OTOGL: variants seen among roughly 807,000 people sequenced by gnomAD.
OTOGL encodes otogelin-like protein.
OTOGL carries 285 observed loss-of-function variants against 318.5 expected under a neutral mutation model. The observed-to-expected ratio is 0.89, with a 90% CI of 0.81 to 0.99. OTOGL has a LOEUF of 0.99. Among genes scored for constraint, OTOGL ranks in the 50% least tolerant of loss-of-function variants. OTOGL has a pLI of 0.00. For synonymous variants in OTOGL, 987 were observed against 936.5 expected, an observed-to-expected ratio of 1.05 and a Z score of -0.99; for missense variants, 2,899 against 2,845.6, an observed-to-expected ratio of 1.02 and a Z score of -0.43.
At chr12:80,123,427 C>CTA (rs1470677346) in intron 1 of OTOGL, among the ~76,000 whole-genome samples, 2 of 152,176 alleles carry the variant, frequency 1.3e-5, no homozygotes, top group African/African-American at 4.8e-5. Context: ...TTAATCCAGT[C>CTA]TATCATTGTT....
chr12:80,270,462 AG>A (rs1332680021), intron 23 of OTOGL, among the ~76,000 whole-genome samples: 2 of 152,142 alleles, frequency 1.3e-5, no homozygotes, highest in Non-Finnish European at 2.9e-5. Flanking sequence ...ATATGTATCT[AG>A]GCAAGTGTTG....
intron 1 of OTOGL, among the ~76,000 whole-genome samples, chr12:80,184,981 T>C (rs1358361562): frequency 6.6e-6 from 1 of 152,196 alleles, no homozygotes; most frequent in Admixed American, 6.5e-5. Flanking sequence ...GGTTCAGAGA[T>C]AGATTTAATT....
chr12:80,133,264 G>T (rs187686671), intron 1 of OTOGL, among the ~76,000 whole-genome samples: 4 of 151,708 alleles, frequency 2.6e-5, no homozygotes, highest in African/African-American at 9.7e-5. Context: ...TGTTTTTTTA[G>T]GCAATGATTA....
intron 7 of OTOGL, 37 bp downstream of exon 7, chr12:80,222,282 T>C (rs374776197): frequency 8.9e-5 from 134 of 1,501,730 alleles, no homozygotes; most frequent in Non-Finnish European, 8.1e-5. Context: ...TTAAAAATAT[T>C]ATCTCTGGAA....
chr12:80,366,130 A>C (rs532093137), intron 52 of OTOGL: 1 of 201,142 alleles, frequency 5.0e-6, no homozygotes, highest in East Asian at 1.4e-4. Flanking sequence ...TGAGGAGCAG[A>C]TTGATTAAGT....
chr12:80,251,003 T>C (rs919500969), intron 11 of OTOGL, among the ~76,000 whole-genome samples: 3 of 152,236 alleles, frequency 2.0e-5, no homozygotes, highest in African/African-American at 7.2e-5. Context: ...TAATTAGCTT[T>C]AGTAATTTAA....
chr12:80,135,323 A>T (rs1871496432), intron 1 of OTOGL, among the ~76,000 whole-genome samples: 1 of 128,570 alleles, frequency 7.8e-6, no homozygotes, highest in Admixed American at 9.7e-5. Flanking sequence ...CCCAGGCTAC[A>T]GTGCAGTGGC....
At chr12:80,276,153 G>C (rs1592644608) in intron 24 of OTOGL, among the ~76,000 whole-genome samples, 1 of 151,756 alleles carries the variant, frequency 6.6e-6, no homozygotes, top group Admixed American at 6.6e-5. Flanking sequence ...CCATGACTTT[G>C]GCTGGGGATA....
intron 1 of OTOGL, among the ~76,000 whole-genome samples, chr12:80,202,063 A>G (rs946893876): frequency 3.4e-4 from 52 of 152,238 alleles, no homozygotes; most frequent in African/African-American, 1.2e-3. Context: ...GTGTCATTGA[A>G]GTTTCCCTGA....
intron 7 of OTOGL, among the ~76,000 whole-genome samples, chr12:80,225,551 A>C (rs1176618548): frequency 6.6e-6 from 1 of 152,162 alleles, no homozygotes; most frequent in African/African-American, 2.4e-5. Context: ...GAAAAATGTT[A>C]AAATTATCAC....
At chr12:80,363,494 G>A (rs1396769762) in intron 52 of OTOGL, among the ~76,000 whole-genome samples, 2 of 152,132 alleles carry the variant, frequency 1.3e-5, no homozygotes, top group Non-Finnish European at 2.9e-5. Flanking sequence ...ATGAAAGACT[G>A]GCCTTTTGTA....
intron 1 of OTOGL, among the ~76,000 whole-genome samples, chr12:80,159,604 CACAA>C (rs1314983467): frequency 2.0e-5 from 3 of 151,932 alleles, no homozygotes; most frequent in Non-Finnish European, 2.9e-5. Flanking sequence ...TCATAGATGG[CACAA>C]ACAAATGGAC....
In OTOGL at chr12:80,256,321, T is replaced by G. The variant is rs774134712; in HGVS notation, c.1588-16T>G. On this transcript the variant is annotated splice_polypyrimidine_tract_variant and intron_variant, in intron 16 of 58. Transcript: ENST00000547103. ...TCTCTCCCATTCCTTGCATTGATAATTTGATTTTTACGCAGAATCTTGGCT... is the reference window on the plus strand; with the variant it reads ...TCTCTCCCATTCCTTGCATTGATAAGTTGATTTTTACGCAGAATCTTGGCT... 34 of 1,591,588 alleles carry G rather than the reference T, an allele frequency of 2.1e-5. No homozygotes were observed. The South Asian group carries it at 3.4e-4, about 16-fold the overall frequency.
chr12:80,190,404 A>G (rs561263894), intron 1 of OTOGL, among the ~76,000 whole-genome samples: 1 of 152,368 alleles, frequency 6.6e-6, no homozygotes, highest in Admixed American at 6.5e-5. Context: ...CACTGGTATC[A>G]AATCACTGTT....
intron 1 of OTOGL, among the ~76,000 whole-genome samples, chr12:80,110,228 C>T (rs762102761): frequency 6.6e-5 from 10 of 151,984 alleles, no homozygotes; most frequent in South Asian, 4.1e-4. Flanking sequence ...CCACCACACC[C>T]GGCTAATTTT....
At chr12:80,163,234 T>C (rs186906498) in intron 1 of OTOGL, among the ~76,000 whole-genome samples, 1 of 152,248 alleles carries the variant, frequency 6.6e-6, no homozygotes, top group Non-Finnish European at 1.5e-5. Flanking sequence ...ATATTGTAAG[T>C]TTATTAAATA....
At chr12:80,326,791 A>G (rs886114412) in intron 35 of OTOGL, among the ~76,000 whole-genome samples, 4 of 152,222 alleles carry the variant, frequency 2.6e-5, no homozygotes, top group Non-Finnish European at 4.4e-5. Context: ...AGATGGCTAA[A>G]TGTGTTTCAT....
intron 34 of OTOGL, among the ~76,000 whole-genome samples, chr12:80,322,037 G>A (rs758453738): frequency 6.6e-5 from 10 of 152,166 alleles, no homozygotes; most frequent in Non-Finnish European, 1.0e-4. Context: ...CACTTTGCAG[G>A]ACATCCTGTT....
intron 19 of OTOGL, among the ~76,000 whole-genome samples, 151 bp downstream of exon 19, chr12:80,262,244 A>G (rs1355609201): frequency 6.6e-6 from 1 of 151,026 alleles, no homozygotes; most frequent in African/African-American, 2.4e-5. Context: ...TTTTTTGCTT[A>G]ATATTATGCC....
Sources: gnomAD v4.1 joint callset for allele counts (sites outside exome capture counted in the v4.1 genomes callset) on GRCh38, gnomAD v4.1.1 for gene constraint, MANE v1.5 for transcripts, NCBI Gene and HGNC (gene_info 2026-07-23, HGNC 2026-07-21) for gene names.